The following ZNF334 variants were observed in gnomAD, a reference collection of about 807,000 sequenced individuals.
ZNF334 encodes zinc finger protein 334.
In ZNF334, 14 loss-of-function variants were observed where a neutral mutation model predicts 12.4. That is an observed-to-expected ratio of 1.13 (90% CI 0.74 to 1.76). The LOEUF (loss-of-function observed/expected upper bound fraction) is 1.76. Among genes scored for constraint, ZNF334 ranks in the 40% most tolerant of loss-of-function variants. The probability of loss-of-function intolerance (pLI) is 0.00; values close to 1 mark genes in which losing one functional copy is unlikely to be tolerated. For synonymous variants in ZNF334, 273 were observed against 269.6 expected (o/e 1.01, Z -0.12); for missense variants, 797 against 804.5 (o/e 0.99, Z 0.11).
the ZNF334 span, among the ~76,000 whole-genome samples, chr20:46,465,931 G>A: frequency 6.6e-6 from 1 of 152,016 alleles, no homozygotes; most frequent in East Asian, 1.9e-4. Context: ...TCCAGCCTGA[G>A]CGACAGAGCG....
chr20:46,488,073 T>A, the ZNF334 span, among the ~76,000 whole-genome samples: 4 of 152,164 alleles, frequency 2.6e-5, no homozygotes, highest in Non-Finnish European at 5.9e-5. Flanking sequence ...GATACAAAGG[T>A]AAATAGTGCT....
chr20:46,489,009 A>G, the ZNF334 span, among the ~76,000 whole-genome samples: 1 of 151,198 alleles, frequency 6.6e-6, no homozygotes, highest in Non-Finnish European at 1.5e-5. Flanking sequence ...AATTCTCTTC[A>G]TGTTTCTTAT....
rs1004731696 is a variant in ZNF334 at position 46,512,527 on chromosome 20, T to A, written c.-39+13A>T. On this transcript the variant is annotated intron_variant, in intron 1 of 4. Transcript: ENST00000692313. ...GATTTCTTGGAATAGGAAAATGATA[T>A]TATGTCACTTACCTGTTTTCCTACT... 2 of 158,932 alleles carry A rather than the reference T, an allele frequency of 1.3e-5. No individual in the cohort carries two copies. Among genetic ancestry groups the A allele is most frequent in the African/African-American group, 4.8e-5 (2 of 41,534 alleles). The allele number at this position is 158,932 out of a possible 1,614,324, so 9.8% of individuals were successfully genotyped here.
At position 46,501,913 on chromosome 20, in the gene ZNF334, G is replaced by A. The variant is rs753099023; in HGVS notation, c.1426C>T (p.Leu476Phe). ...CGKFFCHKSTLTIHQRTHTGE... is the reference protein window; with the variant it reads ...CGKFFCHKSTFTIHQRTHTGE... Reference sequence around the variant, plus strand: ...GTGTGTGTTCTCTGATGTATAGTGAGTGTTGACTTATGGCAGAAAAATTTC... The same window carrying A: ...GTGTGTGTTCTCTGATGTATAGTGAATGTTGACTTATGGCAGAAAAATTTC... Residue 476 changes from leucine (L) to phenylalanine (F), a missense_variant, in exon 5 of 5, where the codon CTC becomes TTC. By Grantham distance (22) the Leu-to-Phe change is conservative. Transcript: ENST00000692313. The A allele has an allele frequency of 1.7e-5, 27 of 1,613,752 alleles. No homozygotes were observed. The African/African-American group carries it at 3.3e-4, about 20-fold the overall frequency.
At chr20:46,504,105 G>A in intron 4 of ZNF334, 109 bp downstream of exon 4, 1 of 681,416 alleles carries the variant, frequency 1.5e-6, no homozygotes, top group Non-Finnish European at 2.4e-6. Context: ...AAAGGTCTGG[G>A]CCAACAAAAA....
At chr20:46,489,571 T>C in the ZNF334 span, among the ~76,000 whole-genome samples, 1 of 142,620 alleles carries the variant, frequency 7.0e-6, no homozygotes, top group Admixed American at 7.6e-5. Context: ...GGCAGGAGAA[T>C]CACTTGAGCC....
chr20:46,508,491 T>C (rs2061519768), intron 2 of ZNF334, among the ~76,000 whole-genome samples: 1 of 151,968 alleles, frequency 6.6e-6, no homozygotes, highest in South Asian at 2.1e-4. Flanking sequence ...AGAAAAGGGG[T>C]AGAAAGTCAA....
At chr20:46,486,533 G>C in the ZNF334 span, among the ~76,000 whole-genome samples, 50 of 152,236 alleles carry the variant, frequency 3.3e-4, no homozygotes, top group African/African-American at 1.2e-3. Flanking sequence ...GGCTGTTTCT[G>C]AAATCTTTAC....
downstream of ZNF334, among the ~76,000 whole-genome samples, chr20:46,497,315 G>A (rs6094356): frequency 0.048 from 7,301 of 152,248 alleles, 479 homozygotes; most frequent in African/African-American, 0.14. Flanking sequence ...GTCTAGATAC[G>A]ATGGAACAAT....
chr20:46,471,862 A>G, the ZNF334 span, among the ~76,000 whole-genome samples: 13 of 152,178 alleles, frequency 8.5e-5, no homozygotes, highest in Non-Finnish European at 1.9e-4. Flanking sequence ...TGGTAGTATA[A>G]GTCTCTTAAC....
chr20:46,473,068 T>C, the ZNF334 span, among the ~76,000 whole-genome samples: 1 of 152,242 alleles, frequency 6.6e-6, no homozygotes, highest in Admixed American at 6.5e-5. Context: ...TAGTCAATTT[T>C]AGTACCTTTT....
At chr20:46,490,332 G>A in the ZNF334 span, among the ~76,000 whole-genome samples, 1 of 152,148 alleles carries the variant, frequency 6.6e-6, no homozygotes, top group Non-Finnish European at 1.5e-5. Context: ...CTGTCGCACA[G>A]TAAAACATTC....
chr20:46,474,438 T>C, the ZNF334 span: 1 of 151,662 alleles, frequency 6.6e-6, no homozygotes, highest in Non-Finnish European at 1.5e-5. Context: ...CATTGCTAAC[T>C]AGGGAGAAGA....
At chr20:46,486,818 T>C in the ZNF334 span, among the ~76,000 whole-genome samples, 58 of 152,282 alleles carry the variant, frequency 3.8e-4, 1 homozygote, top group African/African-American at 1.4e-3. Flanking sequence ...TGCTAACATT[T>C]GCATTTTAGT....
At chr20:46,486,017 G>A in the ZNF334 span, among the ~76,000 whole-genome samples, 2 of 151,990 alleles carry the variant, frequency 1.3e-5, no homozygotes, top group East Asian at 1.9e-4. Flanking sequence ...CTCCACTGCC[G>A]CCTTGTGGCT....
chr20:46,499,142 C>G (rs564454613), downstream of ZNF334, among the ~76,000 whole-genome samples: 1 of 137,246 alleles, frequency 7.3e-6, no homozygotes, highest in Non-Finnish European at 1.5e-5. Context: ...CCACTGCACT[C>G]CAGCCTGGGC....
rs1050355794 is a variant in ZNF334 at position 46,512,829 on chromosome 20, T to C, written c.-328A>G. The C allele has an allele frequency of 2.6e-5, 4 of 152,214 alleles. No individual in the cohort carries two copies. Among genetic ancestry groups the C allele is most frequent in the African/African-American group, 9.7e-5 (4 of 41,444 alleles). 9.4% of individuals were successfully genotyped at this position (152,214 alleles called of 1,614,324 possible). On this transcript the variant is annotated 5_prime_UTR_variant, in exon 1 of 5. Transcript: ENST00000692313. ...AGTCGTAATTTTAATATAAGATAAA[T>C]TGGTTTTTAGTCTTTCCTTTACCCC...
At position 46,502,405 on chromosome 20, in the gene ZNF334, G is replaced by C; in HGVS notation, c.934C>G (p.Gln312Glu). 1.2e-6 allele frequency: 2 copies of C among 1,614,048 alleles called. No homozygotes were observed. The highest frequency in any genetic ancestry group is 2.2e-5 in the South Asian group (2 of 91,066). ...FIDKSALIVH[Q>E]KIHGGEKSYE... ...GATTTCTCCCCTCCATGAATTTTCT[G>C]GTGTACAATAAGGGCAGATTTGTCA... The change falls in exon 5 of 5, where the codon CAG (glutamine) becomes GAG (glutamate). Residue 312 changes from glutamine to glutamate, a missense_variant. Transcript: ENST00000692313.
rs1271032357 is a variant in ZNF334, at chr20:46,500,465, C to T, written c.*831G>A. Reference sequence around the variant, plus strand: ...AATCCAAGAGATTTTTGAAAACATACTAATTGACATAAACCACTGGTAGAT... The same window carrying T: ...AATCCAAGAGATTTTTGAAAACATATTAATTGACATAAACCACTGGTAGAT... On this transcript the variant is annotated 3_prime_UTR_variant, in exon 5 of 5. Transcript: ENST00000692313. 1 of 152,188 alleles carries T rather than the reference C, an allele frequency of 6.6e-6. No homozygotes were observed. Among genetic ancestry groups the T allele is most frequent in the Non-Finnish European group, 1.5e-5 (1 of 68,030 alleles). 9.4% of individuals were successfully genotyped at this position (152,188 alleles called of 1,614,324 possible).
Sources: gnomAD v4.1 joint callset for allele counts (sites outside exome capture counted in the v4.1 genomes callset) on GRCh38, gnomAD v4.1.1 for gene constraint, MANE v1.5 for transcripts, NCBI Gene and HGNC (gene_info 2026-07-23, HGNC 2026-07-21) for gene names.